Variants in MPP7 observed in about 807,000 individuals in gnomAD.
MPP7 encodes MAGUK p55 subfamily member 7.
In MPP7, 60 loss-of-function variants were observed where a neutral mutation model predicts 76.5. The observed-to-expected ratio is 0.78, with a 90% CI of 0.64 to 0.97. The LOEUF is 0.97. Among genes scored for constraint, MPP7 ranks in the 50% least tolerant of loss-of-function variants. MPP7 has a pLI of 0.00. For synonymous variants in MPP7, 237 were observed against 244.5 expected (o/e 0.97, Z 0.29); for missense variants, 641 against 694.0 (o/e 0.92, Z 0.86).
intron 10 of MPP7, among the ~76,000 whole-genome samples, 150 bp downstream of exon 10, chr10:28,120,040 CTTAG>C (rs1055612555): frequency 5.3e-5 from 8 of 152,090 alleles, no homozygotes; most frequent in South Asian, 2.1e-4. Flanking sequence ...ATTCATCATA[CTTAG>C]TTAGACAAAA....
chr10:28,275,637 C>T (rs1362730863), intron 1 of MPP7, among the ~76,000 whole-genome samples: 4 of 151,974 alleles, frequency 2.6e-5, no homozygotes, highest in Non-Finnish European at 5.9e-5. Context: ...AAACTCCTGA[C>T]CTCAAGGGAT....
intron 13 of MPP7, among the ~76,000 whole-genome samples, chr10:28,067,137 T>C (rs1318717113): frequency 6.6e-6 from 1 of 152,212 alleles, no homozygotes; most frequent in African/African-American, 2.4e-5. Context: ...TCCAAAATGA[T>C]TGTGTTAATT....
chr10:28,167,336 A>G (rs1836515894), intron 3 of MPP7, among the ~76,000 whole-genome samples: 1 of 151,910 alleles, frequency 6.6e-6, no homozygotes, highest in Non-Finnish European at 1.5e-5. Context: ...CAAACAAACA[A>G]ACAAACAAAA....
chr10:28,066,359 C>T (rs190255100), intron 13 of MPP7, among the ~76,000 whole-genome samples: 65 of 152,226 alleles, frequency 4.3e-4, no homozygotes, highest in African/African-American at 1.5e-3. Flanking sequence ...CACTTTAGCT[C>T]GAGTACCTGA....
chr10:28,284,813 G>A (rs928912576), intron 1 of MPP7, among the ~76,000 whole-genome samples: 7 of 152,106 alleles, frequency 4.6e-5, no homozygotes, highest in African/African-American at 1.4e-4. Flanking sequence ...TCTGATCTCA[G>A]AATACAATAT....
At chr10:28,224,130 A>G (rs1158179522) in intron 2 of MPP7, among the ~76,000 whole-genome samples, 5 of 152,092 alleles carry the variant, frequency 3.3e-5, no homozygotes, top group Admixed American at 6.6e-5. Flanking sequence ...GGTTGCAGTG[A>G]GCCGAGATCA....
chr10:28,106,141 C>T lies in MPP7; in HGVS notation c.952+13510G>A, dbSNP rs188705361. On this transcript the variant is annotated intron_variant, in intron 11 of 16. Transcript: ENST00000683449. Reference sequence around the variant, plus strand: ...GGCCATGGGATATCTGTATGCTTAACTTCACCTGCTAGTGCCAAATTATTT... The same window carrying T: ...GGCCATGGGATATCTGTATGCTTAATTTCACCTGCTAGTGCCAAATTATTT... 3.8e-3 allele frequency among the ~76,000 whole-genome samples: 582 copies of T among 152,320 alleles called. 2 individuals are homozygous for T. Among genetic ancestry groups the T allele is most frequent in the Non-Finnish European group, 6.3e-3 (430 of 68,030 alleles).
chr10:28,176,973 A>C (rs969687859), intron 3 of MPP7, among the ~76,000 whole-genome samples: 1 of 151,222 alleles, frequency 6.6e-6, no homozygotes, highest in Non-Finnish European at 1.5e-5. Flanking sequence ...ACATGTATAC[A>C]TACGTAACAA....
intron 12 of MPP7, among the ~76,000 whole-genome samples, chr10:28,084,954 T>C (rs951295158): frequency 2.0e-5 from 3 of 152,032 alleles, no homozygotes; most frequent in African/African-American, 7.2e-5. Context: ...GAGACCTACA[T>C]TGGAAACTCA....
intron 11 of MPP7, among the ~76,000 whole-genome samples, chr10:28,091,124 G>A (rs1472370955): frequency 2.0e-5 from 3 of 151,958 alleles, no homozygotes; most frequent in Non-Finnish European, 2.9e-5. Context: ...TCTAGCCTAG[G>A]TGACAGAGTA....
chr10:28,171,119 T>A lies in MPP7; in HGVS notation c.157-21060A>T, dbSNP rs7087930. On this transcript the variant is annotated intron_variant, in intron 3 of 16. Transcript: ENST00000683449. ...TAAGTGTCTATTAGGTGTCGAGTAA[T>A]GTGCCCTGTCAGCATCGAGGGTACA... 5.8e-3 allele frequency among the ~76,000 whole-genome samples: 890 copies of A among 152,314 alleles called. 10 individuals carry two copies. Among genetic ancestry groups the A allele is most frequent in the African/African-American group, 0.019 (810 of 41,568 alleles).
intron 2 of MPP7, among the ~76,000 whole-genome samples, chr10:28,230,852 GA>G (rs1233413485): frequency 6.6e-6 from 1 of 151,926 alleles, no homozygotes; most frequent in African/African-American, 2.4e-5. Context: ...AAAACTGATA[GA>G]ACTACAAGAT....
chr10:28,185,940 T>C (rs1837220837), intron 3 of MPP7, among the ~76,000 whole-genome samples: 1 of 152,160 alleles, frequency 6.6e-6, no homozygotes, highest in Non-Finnish European at 1.5e-5. Flanking sequence ...TGAACTAGCC[T>C]CCACACAGCC....
intron 3 of MPP7, among the ~76,000 whole-genome samples, chr10:28,201,061 A>T (rs1837754857): frequency 6.6e-6 from 1 of 152,210 alleles, no homozygotes; most frequent in South Asian, 2.1e-4. Flanking sequence ...CCCAGAGGGC[A>T]ACTATTATTT....
chr10:28,058,399 G>T, intron 15 of MPP7, 96 bp downstream of exon 15: 2 of 569,456 alleles, frequency 3.5e-6, no homozygotes, highest in Non-Finnish European at 5.9e-6. Flanking sequence ...TGCCAAAAGT[G>T]AGTTGACTTC....
intron 5 of MPP7, among the ~76,000 whole-genome samples, chr10:28,141,641 C>A (rs1218123018): frequency 2.0e-5 from 3 of 151,990 alleles, no homozygotes; most frequent in Non-Finnish European, 2.9e-5. Flanking sequence ...CCGGCACACA[C>A]GCGTACACAT....
intron 11 of MPP7, among the ~76,000 whole-genome samples, chr10:28,101,932 A>G (rs917913149): frequency 1.3e-5 from 2 of 152,130 alleles, no homozygotes; most frequent in South Asian, 2.1e-4. Flanking sequence ...ACCAAAGCTA[A>G]GCAAAATTTT....
intron 11 of MPP7, 146 bp downstream of exon 11, chr10:28,119,503 ATC>A: frequency 1.7e-6 from 1 of 602,306 alleles, no homozygotes; most frequent in East Asian, 2.8e-5. Context: ...CCAAATATGA[ATC>A]TCATATTTGT....
intron 5 of MPP7, among the ~76,000 whole-genome samples, chr10:28,142,868 A>G (rs1163695044): frequency 6.6e-6 from 1 of 152,250 alleles, no homozygotes; most frequent in African/African-American, 2.4e-5. Flanking sequence ...ACAAGCTGGA[A>G]ACAATGATCA....
Sources: allele counts gnomAD v4.1 joint callset (sites outside exome capture counted in the v4.1 genomes callset), GRCh38; gene constraint gnomAD v4.1.1; transcripts MANE v1.5; gene names NCBI Gene and HGNC (gene_info 2026-07-23, HGNC 2026-07-21).